GADL1: variants seen among roughly 807,000 people sequenced by gnomAD.
GADL1 encodes acidic amino acid decarboxylase GADL1.
Under a neutral mutation model 69.5 loss-of-function variants are expected in GADL1, and 71 were observed. The ratio of observed to expected loss-of-function variants is 1.02; its 90% CI spans 0.84 to 1.25. GADL1 has a LOEUF of 1.25. Ranked by LOEUF, GADL1 falls within the 50% of genes most tolerant of loss-of-function variation. GADL1 has a pLI of 0.00. For synonymous variants in GADL1, 254 were observed against 214.4 expected (o/e 1.18, Z -1.62); for missense variants, 737 against 631.8 (o/e 1.17, Z -1.79).
At chr3:30,758,710 G>A (rs1200387112) in intron 14 of GADL1, among the ~76,000 whole-genome samples, 1 of 152,210 alleles carries the variant, frequency 6.6e-6, no homozygotes, top group Admixed American at 6.5e-5. Flanking sequence ...TTTTCATGGT[G>A]ACTCCATTCA....
intron 11 of GADL1, among the ~76,000 whole-genome samples, chr3:30,805,815 T>A (rs952131053): frequency 8.9e-5 from 12 of 135,276 alleles, no homozygotes; most frequent in African/African-American, 3.4e-4. Flanking sequence ...TGGGGTGTGG[T>A]GTGGGGGAGA....
At chr3:30,862,265 C>T (rs1698331566) in intron 1 of GADL1, among the ~76,000 whole-genome samples, 1 of 152,104 alleles carries the variant, frequency 6.6e-6, no homozygotes, top group South Asian at 2.1e-4. Context: ...AGACAGCCGT[C>T]ACTCTACCAC....
At chr3:30,828,549 A>C (rs1221942723) in intron 11 of GADL1, among the ~76,000 whole-genome samples, 1 of 151,768 alleles carries the variant, frequency 6.6e-6, no homozygotes, top group African/African-American at 2.4e-5. Context: ...AAGGAAAAGC[A>C]TTGCAAGCTT....
intron 2 of GADL1, among the ~76,000 whole-genome samples, chr3:30,860,208 G>A (rs1008747628): frequency 1.3e-5 from 2 of 151,760 alleles, no homozygotes; most frequent in Non-Finnish European, 2.9e-5. Context: ...ATCTGTTCCA[G>A]TCTCAAAGCA....
chr3:30,729,549 A>G (rs986397284), intron 14 of GADL1, among the ~76,000 whole-genome samples: 1 of 152,138 alleles, frequency 6.6e-6, no homozygotes, highest in Non-Finnish European at 1.5e-5. Flanking sequence ...AGGGGCATGA[A>G]TCTGGGTTCC....
At chr3:30,768,751 T>C (rs1696347993) in intron 14 of GADL1, among the ~76,000 whole-genome samples, 1 of 152,192 alleles carries the variant, frequency 6.6e-6, no homozygotes, top group African/African-American at 2.4e-5. Context: ...ATTTGATCTC[T>C]GAGAATTTGA....
chr3:30,762,322 C>G (rs1696157428), intron 14 of GADL1, among the ~76,000 whole-genome samples: 1 of 152,102 alleles, frequency 6.6e-6, no homozygotes, highest in Non-Finnish European at 1.5e-5. Context: ...CCTTTTCTAC[C>G]TGGTAGTTCA....
chr3:30,797,254 G>A (rs1697052556), intron 12 of GADL1, among the ~76,000 whole-genome samples: 2 of 152,272 alleles, frequency 1.3e-5, no homozygotes, highest in South Asian at 4.1e-4. Context: ...ATAAAGTCAT[G>A]CTAGCCAACA....
At chr3:30,880,807 C>A (rs1356603295) in intron 1 of GADL1, among the ~76,000 whole-genome samples, 1 of 151,788 alleles carries the variant, frequency 6.6e-6, no homozygotes, top group Admixed American at 6.6e-5. Context: ...GATTAAATGA[C>A]TGTAAATTTG....
At chr3:30,767,321 ATT>A (rs1305234463) in intron 14 of GADL1, among the ~76,000 whole-genome samples, 2 of 152,208 alleles carry the variant, frequency 1.3e-5, no homozygotes, top group East Asian at 3.8e-4. Context: ...AAAGAATGCT[ATT>A]TTACAAAAGA....
chr3:30,885,431 G>T (rs1177945067), intron 1 of GADL1, among the ~76,000 whole-genome samples: 1 of 152,012 alleles, frequency 6.6e-6, no homozygotes, highest in Non-Finnish European at 1.5e-5. Flanking sequence ...AAGCTAAAAA[G>T]CCTGGCCTAA....
At chr3:30,781,954 A>G (rs1239999456) in intron 13 of GADL1, among the ~76,000 whole-genome samples, 1 of 152,162 alleles carries the variant, frequency 6.6e-6, no homozygotes, top group Non-Finnish European at 1.5e-5. Context: ...GGGAAACATT[A>G]AGAAATAATG....
intron 8 of GADL1, among the ~76,000 whole-genome samples, 180 bp downstream of exon 8, chr3:30,844,030 T>C (rs188811627): frequency 6.4e-4 from 98 of 152,352 alleles, no homozygotes; most frequent in Admixed American, 2.0e-3. Flanking sequence ...CACTTGGAAA[T>C]AGAACATCTG....
chr3:30,770,529 C>G (rs1012653689), intron 14 of GADL1, among the ~76,000 whole-genome samples: 1 of 152,184 alleles, frequency 6.6e-6, no homozygotes, highest in African/African-American at 2.4e-5. Context: ...TCCTTGGCCT[C>G]ATCTCCCATG....
At chr3:30,750,563 G>A (rs1480103200) in intron 14 of GADL1, among the ~76,000 whole-genome samples, 1 of 152,142 alleles carries the variant, frequency 6.6e-6, no homozygotes. Flanking sequence ...AAGAGTACCA[G>A]TTGATGTTTC....
intron 14 of GADL1, among the ~76,000 whole-genome samples, chr3:30,729,236 G>A (rs1695417920): frequency 6.6e-6 from 1 of 152,152 alleles, no homozygotes; most frequent in Non-Finnish European, 1.5e-5. Context: ...TTTCTAATCA[G>A]TAGTATGGCC....
chr3:30,891,656 A>C (rs1698789475), intron 1 of GADL1, among the ~76,000 whole-genome samples: 1 of 152,122 alleles, frequency 6.6e-6, no homozygotes, highest in South Asian at 2.1e-4. Context: ...TAAAATAAAA[A>C]AAAAAATAAA....
chr3:30,761,773 C>T (rs1245794326), intron 14 of GADL1, among the ~76,000 whole-genome samples: 5 of 152,056 alleles, frequency 3.3e-5, no homozygotes, highest in Non-Finnish European at 7.4e-5. Context: ...CTTTTTCTAC[C>T]TTATCACTAG....
chr3:30,794,900 G>A (rs1697001518), intron 12 of GADL1, among the ~76,000 whole-genome samples: 1 of 152,108 alleles, frequency 6.6e-6, no homozygotes, highest in African/African-American at 2.4e-5. Flanking sequence ...TCAGGAACAT[G>A]GAAACATTAT....
Sources: gnomAD v4.1 joint callset for allele counts (sites outside exome capture counted in the v4.1 genomes callset) on GRCh38, gnomAD v4.1.1 for gene constraint, MANE v1.5 for transcripts, NCBI Gene and HGNC (gene_info 2026-07-23, HGNC 2026-07-21) for gene names.